CSGALNACT1: variants seen among roughly 807,000 people sequenced by gnomAD.
CSGALNACT1 encodes the protein chondroitin sulfate N-acetylgalactosaminyltransferase 1.
In CSGALNACT1, 52 loss-of-function variants were observed where a neutral mutation model predicts 51.0. The ratio of observed to expected loss-of-function variants is 1.02; its 90% CI spans 0.82 to 1.29. CSGALNACT1 has a LOEUF of 1.29. CSGALNACT1 is among the 50% of genes most tolerant of loss of function. The pLI is 0.00. For synonymous variants in CSGALNACT1, 341 were observed against 254.4 expected (o/e 1.34, Z -3.24); for missense variants, 935 against 679.2 (o/e 1.38, Z -4.19).
intron 6 of CSGALNACT1, among the ~76,000 whole-genome samples, chr8:19,424,515 C>G (rs1007368780): frequency 6.6e-6 from 1 of 152,152 alleles, no homozygotes; most frequent in African/African-American, 2.4e-5. Flanking sequence ...AAAATCAAGA[C>G]AACTTCCTGT....
intron 3 of CSGALNACT1, among the ~76,000 whole-genome samples, chr8:19,511,932 G>A (rs1204300433): frequency 6.6e-6 from 1 of 152,088 alleles, no homozygotes; most frequent in Non-Finnish European, 1.5e-5. Context: ...ACCAGATCTT[G>A]CGAAAACTCA....
chr8:19,521,096 C>T (rs2080585772), intron 3 of CSGALNACT1, among the ~76,000 whole-genome samples: 1 of 152,102 alleles, frequency 6.6e-6, no homozygotes, highest in South Asian at 2.1e-4. Context: ...CAAAGGGCCC[C>T]TCATTTCAAG....
chr8:19,607,741 G>A (rs913728118), intron 1 of CSGALNACT1, among the ~76,000 whole-genome samples: 2 of 152,154 alleles, frequency 1.3e-5, no homozygotes, highest in Non-Finnish European at 2.9e-5. Context: ...TGAGATCTTA[G>A]GCAAGTTCTT....
intron 1 of CSGALNACT1, among the ~76,000 whole-genome samples, chr8:19,658,062 CAAAAAAAA>C (rs397973082): frequency 5.2e-4 from 45 of 86,684 alleles, no homozygotes; most frequent in Non-Finnish European, 8.3e-4. Flanking sequence ...ACCCTCCTTC[CAAAAAAAA>C]AAAAAAAAAA....
Position 19,480,480 on chromosome 8 carries a change from G to A in CSGALNACT1, c.635-21838C>T, listed in dbSNP as rs557520887. 5.3e-5 allele frequency among the ~76,000 whole-genome samples: 8 copies of A among 152,284 alleles called. No individual in the cohort carries two copies. In the South Asian group the frequency reaches 8.3e-4, roughly 16 times the overall value. ...TTTTATGGCTGCATAGTACGCCATG[G>A]TATGTACATACCACATTTTCTTTAT... On this transcript the variant is annotated intron_variant, in intron 4 of 9. Transcript: ENST00000454498.
chr8:19,585,780 T>C (rs1474465971), intron 3 of CSGALNACT1, among the ~76,000 whole-genome samples: 2 of 152,168 alleles, frequency 1.3e-5, no homozygotes, highest in Admixed American at 6.5e-5. Context: ...TCAACCTCCA[T>C]GTTACCAAAT....
chr8:19,464,228 C>G (rs1308154913), intron 4 of CSGALNACT1, among the ~76,000 whole-genome samples: 1 of 152,164 alleles, frequency 6.6e-6, no homozygotes. Flanking sequence ...GCCAAGGTCT[C>G]CCAGCTGGAT....
intron 6 of CSGALNACT1, among the ~76,000 whole-genome samples, chr8:19,421,606 C>T (rs1213093048): frequency 6.6e-6 from 1 of 152,192 alleles, no homozygotes; most frequent in Non-Finnish European, 1.5e-5. Context: ...CTGTTTCTTT[C>T]CAAAAGGTAC....
At chr8:19,710,792 T>A (rs1003667388) in intron 1 of CSGALNACT1, among the ~76,000 whole-genome samples, 1 of 152,220 alleles carries the variant, frequency 6.6e-6, no homozygotes, top group East Asian at 1.9e-4. Context: ...CCTGAAATCA[T>A]CATAAGCATT....
intron 1 of CSGALNACT1, among the ~76,000 whole-genome samples, chr8:19,735,515 G>GA (rs932744447): frequency 7.1e-6 from 1 of 141,186 alleles, no homozygotes; most frequent in African/African-American, 2.8e-5. Flanking sequence ...GCAAGTAACA[G>GA]AAAAAAAACC....
rs563576963 is a variant in CSGALNACT1, at chr8:19,612,264, G to A, written c.-543-10399C>T. Among the ~76,000 whole-genome samples the A allele has an allele frequency of 7.2e-5, 11 of 151,900 alleles. No individual in the cohort carries two copies. The East Asian group carries it at 1.4e-3, about 19-fold the overall frequency. On this transcript the variant is annotated intron_variant, in intron 1 of 9. Transcript: ENST00000332246. ...TGCCTGAGGCGAGAGAATTGCTTGAGCCTGGGAGGCTGAGGTTGCAGTGAG... is the reference window on the plus strand; with the variant it reads ...TGCCTGAGGCGAGAGAATTGCTTGAACCTGGGAGGCTGAGGTTGCAGTGAG...
chr8:19,506,538 T>C (rs982344514), intron 3 of CSGALNACT1, among the ~76,000 whole-genome samples: 1 of 152,186 alleles, frequency 6.6e-6, no homozygotes, highest in African/African-American at 2.4e-5. Flanking sequence ...GACTGTGCTG[T>C]GTTTGTTTGT....
intron 8 of CSGALNACT1, among the ~76,000 whole-genome samples, chr8:19,408,988 A>G (rs552544256): frequency 1.6e-4 from 25 of 151,988 alleles, no homozygotes; most frequent in Admixed American, 6.6e-4. Flanking sequence ...AATCAAAAAC[A>G]AAAACCGGGA....
intron 8 of CSGALNACT1, among the ~76,000 whole-genome samples, chr8:19,409,353 C>CA (rs529472947): frequency 6.6e-6 from 1 of 152,182 alleles, no homozygotes; most frequent in Non-Finnish European, 1.5e-5. Context: ...AAACTGCTCC[C>CA]AAAAGCATCT....
chr8:19,662,427 A>C (rs894771962), intron 1 of CSGALNACT1, among the ~76,000 whole-genome samples: 3 of 152,160 alleles, frequency 2.0e-5, no homozygotes, highest in Admixed American at 6.5e-5. Flanking sequence ...CAAAACAATT[A>C]CAACAAGGTT....
intron 1 of CSGALNACT1, among the ~76,000 whole-genome samples, chr8:19,704,397 A>T (rs1007841872): frequency 6.6e-6 from 1 of 152,240 alleles, no homozygotes; most frequent in African/African-American, 2.4e-5. Flanking sequence ...ACACCTTAAG[A>T]TGGCTGTGAT....
At chr8:19,560,034 T>C (rs776217178) in intron 3 of CSGALNACT1, among the ~76,000 whole-genome samples, 1 of 152,184 alleles carries the variant, frequency 6.6e-6, no homozygotes, top group East Asian at 1.9e-4. Flanking sequence ...TGGTATAGAA[T>C]AGACAAACGG....
chr8:19,405,968 C>G, exon 10 of CSGALNACT1: 1 of 1,614,196 alleles, frequency 6.2e-7, no homozygotes. Context: ...TGGAAGAGTC[C>G]TCGCACAGGC....
chr8:19,419,911 G>T (rs1431870126), intron 7 of CSGALNACT1, among the ~76,000 whole-genome samples: 1 of 152,174 alleles, frequency 6.6e-6, no homozygotes, highest in African/African-American at 2.4e-5. Flanking sequence ...TCCTGGAAGG[G>T]ACCTGGTGGG....
Sources: allele counts gnomAD v4.1 joint callset (sites outside exome capture counted in the v4.1 genomes callset), GRCh38; gene constraint gnomAD v4.1.1; transcripts MANE v1.5; gene names NCBI Gene and HGNC (gene_info 2026-07-23, HGNC 2026-07-21).